The following FANCD2 variants were observed in gnomAD, a reference collection of about 807,000 sequenced individuals.
FANCD2 encodes FA complementation group D2, also known as Fanconi anemia group D2 protein.
In FANCD2, 131 loss-of-function variants were observed where a neutral mutation model predicts 192.3. That is an observed-to-expected ratio of 0.68 (90% confidence interval 0.59 to 0.79). FANCD2 has a LOEUF of 0.79. Ranked by LOEUF, FANCD2 falls within the 30% of genes least tolerant of loss-of-function variation. FANCD2 has a pLI of 0.00. For missense variants in FANCD2, 1,508 were observed against 1,701.6 expected, an observed-to-expected ratio of 0.89 and a Z score of 2.00; for synonymous variants, 524 against 612.5, an observed-to-expected ratio of 0.86 and a Z score of 2.13.
At chr3:10,078,715 G>A (rs1161170447) in intron 30 of FANCD2, among the ~76,000 whole-genome samples, 2 of 151,624 alleles carry the variant, frequency 1.3e-5, no homozygotes, top group Non-Finnish European at 2.9e-5. Context: ...TGTAATGCCA[G>A]CACTTTGGGA....
Position 10,079,890 on chromosome 3 carries a change from G to C in FANCD2, c.2977-1210G>C, listed in dbSNP as rs115236195. ...TAAACATTAATATATCCCGTTTCTT[G>C]GTTTCTTGATTCATTTTTCTTCTTC... On this transcript the variant is annotated intron_variant, in intron 30 of 43. Transcript: ENST00000675286. Among the ~76,000 whole-genome samples the C allele has an allele frequency of 2.8e-3, 424 of 151,992 alleles. 1 individual carries two copies. Among genetic ancestry groups the C allele is most frequent in the African/African-American group, 9.9e-3 (411 of 41,456 alleles).
At chr3:10,070,264 G>T (rs1303650729) in intron 26 of FANCD2, among the ~76,000 whole-genome samples, 1 of 148,336 alleles carries the variant, frequency 6.7e-6, no homozygotes, top group African/African-American at 2.5e-5. Context: ...CCCTCCGCCC[G>T]GCAGCCACCC....
intron 29 of FANCD2, among the ~76,000 whole-genome samples, chr3:10,076,282 G>GT (rs1156761628): frequency 7.3e-6 from 1 of 137,808 alleles, no homozygotes. Flanking sequence ...CCTTGAATTA[G>GT]TCTTTTTTTT....
chr3:10,059,857 G>A (rs931268355), intron 18 of FANCD2, among the ~76,000 whole-genome samples: 1 of 151,812 alleles, frequency 6.6e-6, no homozygotes, highest in African/African-American at 2.4e-5. Context: ...TTAAAACTTG[G>A]AGAGATGAAT....
intron 21 of FANCD2, 34 bp downstream of exon 21, chr3:10,063,945 G>A (rs769619477): frequency 2.7e-5 from 43 of 1,614,058 alleles, no homozygotes; most frequent in Non-Finnish European, 3.3e-5. Context: ...AAGCAATAAA[G>A]CATGAGAGCT....
rs1287288795 is a variant in FANCD2, at chr3:10,099,006, A to AGAATCACTCCT, written c.4281+194_4281+204dup. ...CCAGAAGAAACAACGACACAATCTT[A>AGAATCACTCCT]GAATCACTCCTGAGTATCTCGAGTT... On this transcript the variant is annotated intron_variant, in intron 43 of 43. Coordinates refer to ENST00000675286, the MANE Select transcript of FANCD2 (RefSeq NM_001018115.3). The AGAATCACTCCT allele has an allele frequency of 2.7e-5, 43 of 1,613,510 alleles. 1 individual carries two copies. The highest frequency in any genetic ancestry group is 3.6e-5 in the Non-Finnish European group (42 of 1,179,944).
At chr3:10,051,536 A>T (rs963084909) in intron 17 of FANCD2, among the ~76,000 whole-genome samples, 6 of 152,106 alleles carry the variant, frequency 3.9e-5, no homozygotes, top group African/African-American at 1.2e-4. Flanking sequence ...TAATTGAATT[A>T]TAAGGGTGGA....
At chr3:10,089,156 A>G (rs1694424099) in intron 36 of FANCD2, among the ~76,000 whole-genome samples, 1 of 151,994 alleles carries the variant, frequency 6.6e-6, no homozygotes, top group Non-Finnish European at 1.5e-5. Flanking sequence ...GTGGTGGCAC[A>G]TGCCTGTAAT....
Position 10,082,514 on chromosome 3 carries a change from GTCT to G in FANCD2, c.3224+1057_3224+1059del, listed in dbSNP as rs546691739. Among the ~76,000 whole-genome samples, 70 of 152,192 alleles carry G rather than the reference GTCT, an allele frequency of 4.6e-4. 2 individuals carry two copies. The highest frequency in any genetic ancestry group is 1.7e-3 in the African/African-American group (69 of 41,532). ...TAAAACTCTCTTACCTAGCCTCTAG[GTCT>G]TCTTCTGACTCCTGCTATTCCACTT... On this transcript the variant is annotated intron_variant, in intron 32 of 43. Transcript: ENST00000675286.
At position 10,034,724 on chromosome 3, in the gene FANCD2, G is replaced by A. The variant is rs1358787491; in HGVS notation, c.303G>A (p.Glu101=). Reference sequence around the variant, plus strand: ...TAGAAGAATTTGTTAGTGGCCTGGAGTCTTACATTGAGGATGAAGACAGTT... The same window carrying A: ...TAGAAGAATTTGTTAGTGGCCTGGAATCTTACATTGAGGATGAAGACAGTT... ...KIIEEFVSGL[E]SYIEDEDSFR... The change falls in exon 5 of 44, where the codon GAG becomes GAA. Residue 101 remains glutamate, a synonymous_variant. Transcript: ENST00000675286. The A allele has an allele frequency of 1.3e-6, 2 of 1,571,324 alleles. No homozygotes were observed. Among genetic ancestry groups the A allele is most frequent in the African/African-American group, 2.7e-5 (2 of 74,014 alleles).
At chr3:10,075,832 A>G (rs1033718723) in intron 29 of FANCD2, among the ~76,000 whole-genome samples, 9 of 143,296 alleles carry the variant, frequency 6.3e-5, no homozygotes, top group Non-Finnish European at 1.0e-4. Flanking sequence ...CCGGGTTCAC[A>G]CCATTATCCT....
chr3:10,059,630 G>A (rs188618961), intron 18 of FANCD2, among the ~76,000 whole-genome samples: 150 of 151,678 alleles, frequency 9.9e-4, no homozygotes, highest in African/African-American at 3.2e-3. Context: ...GTGAAACCCC[G>A]TCTCTACTAA....
rs182095969 is a variant in FANCD2, at chr3:10,044,354, A to G, written c.1134+490A>G. On this transcript the variant is annotated intron_variant, in intron 14 of 43. Coordinates refer to ENST00000675286, the MANE Select transcript of FANCD2 (RefSeq NM_001018115.3). ...TGGATCTTATGTCTCTATTAATTCT[A>G]GAAATACCTTCCATCAAAAAGCCAG... 2.6e-3 allele frequency among the ~76,000 whole-genome samples: 392 copies of G among 151,834 alleles called. 4 individuals carry two copies. Among genetic ancestry groups the G allele is most frequent in the African/African-American group, 9.2e-3 (379 of 41,262 alleles).
At chr3:10,067,438 T>G in intron 26 of FANCD2, 121 bp downstream of exon 26, 1 of 684,616 alleles carries the variant, frequency 1.5e-6, no homozygotes, top group South Asian at 1.6e-5. Context: ...CTCAGGCCAA[T>G]ATCCCTGATG....
In FANCD2 at chr3:10,043,839, A is replaced by C. The variant is rs1251977955; in HGVS notation, c.1109A>C (p.Asn370Thr). The C allele has an allele frequency of 1.2e-6, 2 of 1,613,508 alleles. No homozygotes were observed. The highest frequency in any genetic ancestry group is 1.7e-4 in the Middle Eastern group (1 of 6,056). The change falls in exon 14 of 44, where the codon AAC becomes ACC. Residue 370 changes from asparagine to threonine, a missense_variant. By Grantham distance (65) the Asn-to-Thr change is moderately conservative. This residue lies in a region of FANCD2 where 108 missense variants were observed against 174.1 expected (regional missense o/e 0.62). Transcript: ENST00000675286. ...CTCCTGTTTTTTCAGGCAATTGAAA[A>C]CACTGCCTCAGTATCTGAACACAAG... The part of the protein sequence containing the change: ...ISEAWIKAIE[N>T]TASVSEHKVF...
At chr3:10,049,085 T>C (rs1422769502) in intron 16 of FANCD2, among the ~76,000 whole-genome samples, 2 of 152,042 alleles carry the variant, frequency 1.3e-5, no homozygotes, top group East Asian at 3.9e-4. Flanking sequence ...ATTTAACCCA[T>C]ATGGGAAAAA....
intron 5 of FANCD2, 121 bp downstream of exon 5, chr3:10,034,919 A>G: frequency 1.2e-6 from 1 of 824,826 alleles, no homozygotes; most frequent in Admixed American, 2.1e-5. Flanking sequence ...TGTTTTCCTC[A>G]GAGTTTAAAC....
At chr3:10,097,864 C>A (rs1056648199) in intron 42 of FANCD2, among the ~76,000 whole-genome samples, 7 of 152,214 alleles carry the variant, frequency 4.6e-5, no homozygotes, top group Non-Finnish European at 2.9e-5. Context: ...ATTTGGGGAA[C>A]TAATAAATGT....
rs1222226960 is a variant in FANCD2 at position 10,032,891 on chromosome 3, GA to G, written c.126del (p.Glu43LysfsTer7). 6.2e-7 allele frequency: 1 copy of G among 1,609,772 alleles called. No homozygotes were observed. On this transcript the variant is annotated frameshift_variant, in exon 3 of 44. Transcript: ENST00000675286. LOFTEE classifies it high-confidence loss of function. Reference protein sequence around the residue: ...TKKSHIANEVEENDSIFVKLL... With the variant: ...TKKSHIANEVXENDSIFVKLL... ...GAAATCTCATATTGCTAATGAAGTTGAAGAAAATGACAGCATCTTTGTAAAG... is the reference window on the plus strand; with the variant it reads ...GAAATCTCATATTGCTAATGAAGTTGAGAAAATGACAGCATCTTTGTAAAG...
Sources: gnomAD v4.1 joint callset for allele counts (sites outside exome capture counted in the v4.1 genomes callset) on GRCh38, gnomAD v4.1.1 for gene constraint, gnomAD v4.1.1 regional missense constraint, MANE v1.5 for transcripts, NCBI Gene and HGNC (gene_info 2026-07-23, HGNC 2026-07-21) for gene names.